The following BUB1B variants were observed in gnomAD, a reference collection of about 807,000 sequenced individuals.
BUB1B encodes the protein BUB1 mitotic checkpoint serine/threonine kinase B.
Under a neutral mutation model 137.7 loss-of-function variants are expected in BUB1B, and 86 were observed. That is an observed-to-expected ratio of 0.62 (90% CI 0.52 to 0.75). BUB1B has a LOEUF of 0.75. Ranked by LOEUF, BUB1B falls within the 30% of genes least tolerant of loss-of-function variation. The pLI is 0.00. For synonymous variants in BUB1B, 420 were observed against 417.9 expected, an observed-to-expected ratio of 1.00 and a Z score of -0.06; for missense variants, 1,130 against 1,236.9, an observed-to-expected ratio of 0.91 and a Z score of 1.30.
intron 12 of BUB1B, among the ~76,000 whole-genome samples, chr15:40,202,197 T>C (rs2037579852): frequency 6.6e-6 from 1 of 152,196 alleles, no homozygotes; most frequent in African/African-American, 2.4e-5. Flanking sequence ...GTGACAGTGG[T>C]AGAGAATCTA....
At chr15:40,174,436 G>T (rs1406175509) in intron 4 of BUB1B, among the ~76,000 whole-genome samples, 2 of 152,000 alleles carry the variant, frequency 1.3e-5, no homozygotes, top group African/African-American at 4.8e-5. Flanking sequence ...CATGATTAAG[G>T]GCTGGCATAT....
intron 4 of BUB1B, among the ~76,000 whole-genome samples, chr15:40,174,980 A>C (rs1259943214): frequency 6.6e-6 from 1 of 152,054 alleles, no homozygotes; most frequent in East Asian, 1.9e-4. Context: ...AAGGAAAAAA[A>C]ATGCTATTTT....
chr15:40,183,892 G>C lies in BUB1B; in HGVS notation c.751+9G>C, dbSNP rs372133651. 3 of 1,613,672 alleles carry C rather than the reference G, an allele frequency of 1.9e-6. No homozygotes were observed. Among genetic ancestry groups the C allele is most frequent in the Non-Finnish European group, 2.5e-6 (3 of 1,179,758 alleles). Reference sequence around the variant, plus strand: ...AGGAGGTGCTCTCAAGGGTAAGTTTGTTAAACGTTATTTCGGAAAACTGTT... The same window carrying C: ...AGGAGGTGCTCTCAAGGGTAAGTTTCTTAAACGTTATTTCGGAAAACTGTT... On this transcript the variant is annotated intron_variant, in intron 6 of 22. Transcript: ENST00000287598.
At chr15:40,191,197 T>C (rs190344825) in intron 8 of BUB1B, among the ~76,000 whole-genome samples, 1 of 152,296 alleles carries the variant, frequency 6.6e-6, no homozygotes, top group Admixed American at 6.5e-5. Context: ...CAGAATGACT[T>C]GTAATTTAAA....
Position 40,161,101 on chromosome 15 carries a change from C to T in BUB1B, c.-120C>T, listed in dbSNP as rs754144695. On this transcript the variant is annotated 5_prime_UTR_variant, in exon 1 of 23. Transcript: ENST00000287598. Reference sequence around the variant, plus strand: ...TGAGGTGGCCGGTTTGTTAGGGAGTCGTGTACGTGCCTTGGTCGCTTCTGT... The same window carrying T: ...TGAGGTGGCCGGTTTGTTAGGGAGTTGTGTACGTGCCTTGGTCGCTTCTGT... The T allele has an allele frequency of 4.7e-5, 62 of 1,332,260 alleles. No individual in the cohort carries two copies. The highest frequency in any genetic ancestry group is 6.3e-5 in the Non-Finnish European group (61 of 967,392). The allele number at this position is 1,332,260 out of a possible 1,614,324, so 82.5% of individuals were successfully genotyped here.
intron 5 of BUB1B, among the ~76,000 whole-genome samples, chr15:40,177,590 A>G (rs2037237366): frequency 1.3e-5 from 2 of 152,016 alleles, no homozygotes; most frequent in Non-Finnish European, 1.5e-5. Flanking sequence ...GTACGTGTCT[A>G]TCCATTAGTG....
chr15:40,199,952 T>C (rs865984502), intron 10 of BUB1B: 1 of 587,734 alleles, frequency 1.7e-6, no homozygotes. Flanking sequence ...TTCTTAGTTA[T>C]ACTCCAAATC....
chr15:40,199,858 CG>C, intron 10 of BUB1B, 131 bp downstream of exon 10: 1 of 747,860 alleles, frequency 1.3e-6, no homozygotes, highest in African/African-American at 1.8e-5. Flanking sequence ...TGTTAGTAGC[CG>C]GAAAGTTGAG....
intron 17 of BUB1B, 93 bp downstream of exon 17, chr15:40,209,868 A>C: frequency 6.7e-7 from 1 of 1,503,146 alleles, no homozygotes; most frequent in African/African-American, 1.4e-5. Context: ...CACTGTAAAT[A>C]TTCCTAGATT....
intron 15 of BUB1B, among the ~76,000 whole-genome samples, chr15:40,207,056 C>T (rs1246497566): frequency 1.3e-5 from 2 of 152,178 alleles, no homozygotes; most frequent in Non-Finnish European, 2.9e-5. Context: ...GTGATCCACC[C>T]GCCTCGGCCT....
intron 1 of BUB1B, 104 bp downstream of exon 1, chr15:40,161,359 C>A: frequency 7.7e-7 from 1 of 1,291,142 alleles, no homozygotes; most frequent in Non-Finnish European, 1.0e-6. Flanking sequence ...TCGGCACCGT[C>A]AGAACAGACC....
intron 3 of BUB1B, 94 bp from the exon 4 acceptor site, chr15:40,170,443 T>A: frequency 1.4e-6 from 2 of 1,448,962 alleles, no homozygotes; most frequent in Non-Finnish European, 1.9e-6. Context: ...AGAAACATAC[T>A]TTACTTCTGC....
chr15:40,215,343 A>C (rs941925902), intron 20 of BUB1B, among the ~76,000 whole-genome samples: 1 of 152,044 alleles, frequency 6.6e-6, no homozygotes, highest in Non-Finnish European at 1.5e-5. Context: ...ATGGTGGTGC[A>C]TGCCTGTAAT....
intron 4 of BUB1B, among the ~76,000 whole-genome samples, chr15:40,172,726 A>G (rs920158077): frequency 1.2e-4 from 19 of 152,258 alleles, no homozygotes; most frequent in Non-Finnish European, 2.4e-4. Flanking sequence ...TTACAAGTAT[A>G]GAAAATTAGG....
chr15:40,212,444 C>A, intron 18 of BUB1B, 55 bp from the exon 19 acceptor site: 1 of 1,415,782 alleles, frequency 7.1e-7, no homozygotes, highest in Non-Finnish European at 9.9e-7. Flanking sequence ...TTTCAACCTG[C>A]CAGCCATAAC....
At chr15:40,220,490 C>A in intron 22 of BUB1B, 74 bp from the exon 23 acceptor site, 1 of 1,492,132 alleles carries the variant, frequency 6.7e-7, no homozygotes, top group Non-Finnish European at 9.3e-7. Flanking sequence ...ATAAATGTAC[C>A]ACTGAGTTAA....
rs529946316 is a variant in BUB1B at position 40,192,510 on chromosome 15, G to GT, written c.1059-4032dup. Among the ~76,000 whole-genome samples, 4 of 152,106 alleles carry GT rather than the reference G, an allele frequency of 2.6e-5. No homozygotes were observed. The South Asian group carries it at 8.3e-4, about 32-fold the overall frequency. ...CATCATTACGGTGTCATTCAGAATT[G>GT]TTTCATTGTCCCAGAAATCCCCTTT... On this transcript the variant is annotated intron_variant, in intron 8 of 22. Coordinates refer to ENST00000287598, the MANE Select transcript of BUB1B (RefSeq NM_001211.6).
intron 5 of BUB1B, among the ~76,000 whole-genome samples, chr15:40,177,624 A>G (rs1595515115): frequency 1.3e-5 from 2 of 152,086 alleles, no homozygotes; most frequent in African/African-American, 4.8e-5. Context: ...CTAGATTACT[A>G]TACCTTTTAT....
In BUB1B at chr15:40,202,413, G is replaced by A; in HGVS notation, c.1576G>A (p.Val526Ile). 1 of 1,610,294 alleles carries A rather than the reference G, an allele frequency of 6.2e-7. No individual in the cohort carries two copies. The change falls in exon 13 of 23, where the codon GTA becomes ATA. Residue 526 changes from valine to isoleucine, a missense_variant. Val to Ile is a conservative substitution (Grantham distance 29, BLOSUM62 3). Coordinates refer to ENST00000287598, the MANE Select transcript of BUB1B (RefSeq NM_001211.6). The stretch of plus-strand genomic sequence containing the variant: ...AGTCTCTCTTTCTCTAGGTCCCAGT[G>A]TACCTTTCTCCATTTTTGATGAGTT... Reference protein sequence around the residue: ...QEQPHSKGPSVPFSIFDEFLL... With the variant: ...QEQPHSKGPSIPFSIFDEFLL...
Sources: gnomAD v4.1 joint callset for allele counts (sites outside exome capture counted in the v4.1 genomes callset) on GRCh38, gnomAD v4.1.1 for gene constraint, MANE v1.5 for transcripts, NCBI Gene and HGNC (gene_info 2026-07-23, HGNC 2026-07-21) for gene names.